SLC24A2: variants seen among roughly 807,000 people sequenced by gnomAD.
SLC24A2 encodes the protein sodium/potassium/calcium exchanger 2.
SLC24A2 carries 36 observed loss-of-function variants against 62.0 expected under a neutral mutation model. That is an observed-to-expected ratio of 0.58 (90% CI 0.44 to 0.77). SLC24A2 has a LOEUF of 0.77. Ranked by LOEUF, SLC24A2 falls within the 30% of genes least tolerant of loss-of-function variation. The pLI is 0.00. For missense variants in SLC24A2, 846 were observed against 817.9 expected (o/e 1.03, Z -0.42); for synonymous variants, 358 against 294.0 (o/e 1.22, Z -2.23).
At chr9:19,596,610 TG>T (rs1410073383) in intron 5 of SLC24A2, among the ~76,000 whole-genome samples, 2 of 152,036 alleles carry the variant, frequency 1.3e-5, no homozygotes, top group Non-Finnish European at 2.9e-5. Flanking sequence ...TCAGAGAAAA[TG>T]GTTAAAATGA....
the SLC24A2 span, among the ~76,000 whole-genome samples, chr9:19,830,858 A>C: frequency 6.6e-6 from 1 of 152,190 alleles, no homozygotes; most frequent in African/African-American, 2.4e-5. Flanking sequence ...AGACTGGGTA[A>C]TTTATAAGCA....
chr9:20,199,240 A>G, the SLC24A2 span, among the ~76,000 whole-genome samples: 1 of 152,218 alleles, frequency 6.6e-6, no homozygotes, highest in Non-Finnish European at 1.5e-5. Context: ...TTCATCTGTG[A>G]AACTCAGGCG....
the SLC24A2 span, among the ~76,000 whole-genome samples, chr9:20,174,396 C>G: frequency 5.6e-3 from 854 of 151,946 alleles, 11 homozygotes; most frequent in African/African-American, 0.019. Context: ...GCAAAAGGAA[C>G]AGTCAGCAGA....
At chr9:20,057,432 C>G in the SLC24A2 span, among the ~76,000 whole-genome samples, 1 of 152,112 alleles carries the variant, frequency 6.6e-6, no homozygotes, top group African/African-American at 2.4e-5. Flanking sequence ...TCATATTTAC[C>G]TAGTCCTTCC....
chr9:19,603,974 C>T (rs1490402996), intron 4 of SLC24A2, among the ~76,000 whole-genome samples: 1 of 152,188 alleles, frequency 6.6e-6, no homozygotes, highest in Non-Finnish European at 1.5e-5. Context: ...TTGTTGTGCT[C>T]ATCTTATCAA....
intron 2 of SLC24A2, among the ~76,000 whole-genome samples, chr9:19,652,412 G>C (rs1050717462): frequency 1.3e-5 from 2 of 152,110 alleles, no homozygotes; most frequent in African/African-American, 2.4e-5. Context: ...TATCTGGTGG[G>C]GCCCAATGTA....
intron 2 of SLC24A2, among the ~76,000 whole-genome samples, chr9:19,691,944 A>G (rs1275858041): frequency 6.6e-6 from 1 of 152,126 alleles, no homozygotes; most frequent in Non-Finnish European, 1.5e-5. Flanking sequence ...CCTTTATACT[A>G]CAAGGGAAGA....
At chr9:19,612,984 A>C (rs1837219626) in intron 4 of SLC24A2, among the ~76,000 whole-genome samples, 2 of 152,238 alleles carry the variant, frequency 1.3e-5, no homozygotes, top group South Asian at 2.1e-4. Context: ...GAGATATAAC[A>C]TCCATCTGGG....
the SLC24A2 span, among the ~76,000 whole-genome samples, chr9:20,249,041 A>G: frequency 1.3e-5 from 2 of 152,158 alleles, no homozygotes; most frequent in Non-Finnish European, 2.9e-5. Context: ...CTCAAGACAA[A>G]GACGATGAAG....
At position 19,527,406 on chromosome 9, in the gene SLC24A2, G is replaced by T. The variant is rs538783446; in HGVS notation, c.1569+643C>A. Among the ~76,000 whole-genome samples the T allele has an allele frequency of 8.5e-4, 129 of 152,232 alleles. 3 individuals are homozygous for T. In the South Asian group the frequency reaches 0.015, roughly 17 times the overall value. On this transcript the variant is annotated intron_variant, in intron 9 of 10. Coordinates refer to ENST00000341998, the MANE Select transcript of SLC24A2 (RefSeq NM_020344.4). ...CTTTGAACCTATGTATAGGGTTACT[G>T]TTAAGATTATAAAGACAAAGGGATG...
the SLC24A2 span, among the ~76,000 whole-genome samples, chr9:19,818,150 T>A: frequency 6.6e-6 from 1 of 152,244 alleles, no homozygotes; most frequent in East Asian, 1.9e-4. Flanking sequence ...CAATACCTGG[T>A]GCATTTTAGA....
At chr9:20,001,631 C>T in the SLC24A2 span, among the ~76,000 whole-genome samples, 9 of 152,296 alleles carry the variant, frequency 5.9e-5, no homozygotes, top group Admixed American at 1.3e-4. Context: ...ATCTCTATTC[C>T]ATGTCATCCG....
the SLC24A2 span, among the ~76,000 whole-genome samples, chr9:19,890,559 G>C: frequency 1.4e-4 from 22 of 152,288 alleles, no homozygotes; most frequent in African/African-American, 5.3e-4. Context: ...TCTCACTGAT[G>C]ACTTCTTCTC....
chr9:19,597,214 TA>T lies in SLC24A2; in HGVS notation c.1129+14del. On this transcript the variant is annotated intron_variant, in intron 5 of 10. Coordinates refer to ENST00000341998, the MANE Select transcript of SLC24A2 (RefSeq NM_020344.4). Reference sequence around the variant, plus strand: ...GTAAAAAAGCCAATGCATACAATTCTAAAATCATTCTTACCTTCTTCAGTCA... The same window carrying T: ...GTAAAAAAGCCAATGCATACAATTCTAAATCATTCTTACCTTCTTCAGTCA... 1 of 1,553,310 alleles carries T rather than the reference TA, an allele frequency of 6.4e-7. No individual in the cohort carries two copies. Among genetic ancestry groups the T allele is most frequent in the Non-Finnish European group, 8.9e-7 (1 of 1,124,736 alleles).
At chr9:19,844,608 A>G in the SLC24A2 span, among the ~76,000 whole-genome samples, 16 of 152,038 alleles carry the variant, frequency 1.1e-4, no homozygotes, top group Non-Finnish European at 1.9e-4. Flanking sequence ...AATGTCTGGA[A>G]TGGTGTTTCT....
chr9:20,242,835 T>C, the SLC24A2 span, among the ~76,000 whole-genome samples: 1 of 152,214 alleles, frequency 6.6e-6, no homozygotes, highest in Admixed American at 6.5e-5. Flanking sequence ...AATTAATCTT[T>C]CACTGGTGAT....
chr9:19,861,173 C>T, the SLC24A2 span, among the ~76,000 whole-genome samples: 1 of 152,156 alleles, frequency 6.6e-6, no homozygotes, highest in Non-Finnish European at 1.5e-5. Flanking sequence ...CAGTACACTC[C>T]TAGGGATGGT....
chr9:19,755,037 T>A (rs1055548899), intron 2 of SLC24A2, among the ~76,000 whole-genome samples: 1 of 152,170 alleles, frequency 6.6e-6, no homozygotes, highest in South Asian at 2.1e-4. Flanking sequence ...TGAGCAGGTA[T>A]AAAGACTGAA....
At chr9:20,139,592 C>T in the SLC24A2 span, among the ~76,000 whole-genome samples, 5 of 152,154 alleles carry the variant, frequency 3.3e-5, no homozygotes, top group Non-Finnish European at 7.3e-5. Flanking sequence ...TTCATTTATT[C>T]CACAAATATC....
Sources: gnomAD v4.1 joint callset for allele counts (sites outside exome capture counted in the v4.1 genomes callset) on GRCh38, gnomAD v4.1.1 for gene constraint, MANE v1.5 for transcripts, NCBI Gene and HGNC (gene_info 2026-07-23, HGNC 2026-07-21) for gene names.